The following PEBP4 variants were observed in gnomAD, a reference collection of about 807,000 sequenced individuals.
PEBP4 encodes the protein phosphatidylethanolamine binding protein 4.
PEBP4 carries 22 observed loss-of-function variants against 23.9 expected under a neutral mutation model. The ratio of observed to expected loss-of-function variants is 0.92; its 90% CI spans 0.66 to 1.31. PEBP4 has a LOEUF of 1.31. PEBP4 is among the 40% of genes most tolerant of loss of function. PEBP4 has a pLI of 0.00. For missense variants in PEBP4, 324 were observed against 281.7 expected, an observed-to-expected ratio of 1.15 and a Z score of -1.07; for synonymous variants, 112 against 99.3, an observed-to-expected ratio of 1.13 and a Z score of -0.76.
upstream of PEBP4, chr8:22,928,051 C>T (rs1809389847): frequency 3.5e-6 from 1 of 281,790 alleles, no homozygotes; most frequent in Non-Finnish European, 6.7e-6. Context: ...TATATAAGCT[C>T]CTCGGTGCAG....
At chr8:22,821,635 C>G (rs1008630582) in intron 3 of PEBP4, among the ~76,000 whole-genome samples, 2 of 151,952 alleles carry the variant, frequency 1.3e-5, no homozygotes, top group South Asian at 4.2e-4. Flanking sequence ...AGAGTGAAAA[C>G]AAAAGAAAGA....
At chr8:22,825,509 G>C (rs947407364) in intron 3 of PEBP4, among the ~76,000 whole-genome samples, 1 of 152,230 alleles carries the variant, frequency 6.6e-6, no homozygotes, top group Non-Finnish European at 1.5e-5. Flanking sequence ...CTAGTAAAAT[G>C]CCAGCCTTTA....
intron 3 of PEBP4, among the ~76,000 whole-genome samples, chr8:22,826,694 A>C (rs1022086543): frequency 6.6e-6 from 1 of 152,220 alleles, no homozygotes; most frequent in African/African-American, 2.4e-5. Flanking sequence ...AAGAAGGAGA[A>C]AATAAGATAT....
chr8:22,717,755 C>T (rs1229315296), intron 6 of PEBP4, among the ~76,000 whole-genome samples: 5 of 152,216 alleles, frequency 3.3e-5, no homozygotes, highest in Non-Finnish European at 7.3e-5. Flanking sequence ...GCTGCCTCTC[C>T]TCTTAGGTAA....
intron 3 of PEBP4, among the ~76,000 whole-genome samples, chr8:22,822,493 A>G (rs892477691): frequency 2.0e-5 from 3 of 152,136 alleles, no homozygotes; most frequent in Admixed American, 2.0e-4. Context: ...GAAGAAATGA[A>G]GAAATAAAGC....
At chr8:22,722,778 T>TG (rs1270073373) in intron 6 of PEBP4, among the ~76,000 whole-genome samples, 1 of 149,666 alleles carries the variant, frequency 6.7e-6, no homozygotes, top group Non-Finnish European at 1.5e-5. Context: ...CCATTTTTTT[T>TG]TTTTTGTTTT....
At chr8:22,879,738 G>A (rs1326133192) in intron 3 of PEBP4, among the ~76,000 whole-genome samples, 10 of 152,178 alleles carry the variant, frequency 6.6e-5, no homozygotes, top group Admixed American at 6.5e-4. Context: ...ACACACGCTT[G>A]AAAATAAAAC....
chr8:22,925,831 A>C (rs1809315403), intron 2 of PEBP4, among the ~76,000 whole-genome samples: 1 of 152,132 alleles, frequency 6.6e-6, no homozygotes, highest in Non-Finnish European at 1.5e-5. Flanking sequence ...TTGACCTTGC[A>C]CTGCTCAGAG....
At chr8:22,902,412 C>T (rs1266199217) in intron 3 of PEBP4, among the ~76,000 whole-genome samples, 2 of 152,206 alleles carry the variant, frequency 1.3e-5, no homozygotes, top group Admixed American at 6.5e-5. Context: ...TAATGGACCA[C>T]ACCAAGTTCC....
chr8:22,719,147 G>A (rs537355365), intron 6 of PEBP4, among the ~76,000 whole-genome samples: 1 of 152,196 alleles, frequency 6.6e-6, no homozygotes, highest in African/African-American at 2.4e-5. Flanking sequence ...CTAGGGAGCG[G>A]CTTATGGCTG....
At chr8:22,874,003 G>T (rs1563244923) in intron 3 of PEBP4, among the ~76,000 whole-genome samples, 1 of 152,154 alleles carries the variant, frequency 6.6e-6, no homozygotes. Context: ...AGCAAATGGA[G>T]GTGAAAAGCC....
At chr8:22,905,952 C>T (rs1201600819) in intron 3 of PEBP4, among the ~76,000 whole-genome samples, 7 of 152,146 alleles carry the variant, frequency 4.6e-5, no homozygotes, top group African/African-American at 1.2e-4. Context: ...ACTCTTAGCA[C>T]GTTAGAAATC....
Position 22,764,706 on chromosome 8 carries a change from C to T in PEBP4, c.358-37486G>A, listed in dbSNP as rs1022759605. ...CCGTGGTCCTACTCTGAGGCTGCTG[C>T]CACCTTCTGCTCTCTGTGGGAGCCT... is the stretch of plus-strand genomic sequence containing the variant. On this transcript the variant is annotated intron_variant, in intron 4 of 6. Transcript: ENST00000256404. Among the ~76,000 whole-genome samples, 7 of 151,840 alleles carry T rather than the reference C, an allele frequency of 4.6e-5. 1 individual carries two copies. Among genetic ancestry groups the T allele is most frequent in the Admixed American group, 1.3e-4 (2 of 15,244 alleles).
chr8:22,858,032 G>A (rs556923226), intron 3 of PEBP4, among the ~76,000 whole-genome samples: 2 of 152,266 alleles, frequency 1.3e-5, no homozygotes, highest in Admixed American at 1.3e-4. Context: ...TCAGAGCGTG[G>A]GGACCATGGG....
chr8:22,938,707 C>G (rs899405306), intron 1 of PEBP4, among the ~76,000 whole-genome samples: 1 of 152,058 alleles, frequency 6.6e-6, no homozygotes, highest in African/African-American at 2.4e-5. Context: ...ACTTCCCCCC[C>G]ATTATAGATG....
chr8:22,807,267 T>C (rs1806516036), intron 4 of PEBP4, among the ~76,000 whole-genome samples: 1 of 152,138 alleles, frequency 6.6e-6, no homozygotes, highest in Non-Finnish European at 1.5e-5. Flanking sequence ...CCTAGAAGGT[T>C]TGAGCAGATC....
At chr8:22,932,710 A>G (rs563910986), upstream of PEBP4, among the ~76,000 whole-genome samples, 120 of 152,322 alleles carry the variant, frequency 7.9e-4, 1 homozygote, top group African/African-American at 2.8e-3. Context: ...CTCCTTCAAA[A>G]TAATAGGAAT....
Position 22,713,330 on chromosome 8 carries a change from G to T in PEBP4, c.*40C>A. The T allele has an allele frequency of 6.5e-7, 1 of 1,540,958 alleles. No individual in the cohort carries two copies. The highest frequency in any genetic ancestry group is 1.3e-5 in the South Asian group (1 of 79,648). ...GTTCCATACCCACATCGTCGGTGGTGGGCAGTGTGGCCACATGCCCGGATG... is the reference window on the plus strand; with the variant it reads ...GTTCCATACCCACATCGTCGGTGGTTGGCAGTGTGGCCACATGCCCGGATG... On this transcript the variant is annotated 3_prime_UTR_variant, in exon 7 of 7. Transcript: ENST00000256404.
At chr8:22,728,273 C>T (rs1324766392) in intron 4 of PEBP4, among the ~76,000 whole-genome samples, 1 of 152,158 alleles carries the variant, frequency 6.6e-6, no homozygotes, top group Non-Finnish European at 1.5e-5. Flanking sequence ...GTCCTACTCG[C>T]TCAGTCCAGA....
Sources: allele counts gnomAD v4.1 joint callset (sites outside exome capture counted in the v4.1 genomes callset), GRCh38; gene constraint gnomAD v4.1.1; transcripts MANE v1.5; gene names NCBI Gene and HGNC (gene_info 2026-07-23, HGNC 2026-07-21).